RNF17: variants seen among roughly 807,000 people sequenced by gnomAD.
The protein encoded by RNF17 is spermatogenesis associated 23.
In RNF17, 31 loss-of-function variants were observed where a neutral mutation model predicts 200.5. That is an observed-to-expected ratio of 0.15 (90% CI 0.12 to 0.21). The LOEUF is 0.21. Ranked by LOEUF, RNF17 falls within the 10% of genes least tolerant of loss-of-function variation. The pLI, the probability that RNF17 is intolerant of heterozygous loss-of-function variation, is 1.00. For synonymous variants in RNF17, 606 were observed against 637.8 expected (o/e 0.95, Z 0.75); for missense variants, 1,628 against 1,905.1 (o/e 0.85, Z 2.71).
At chr13:24,844,219 G>A (rs1036670576) in intron 20 of RNF17, among the ~76,000 whole-genome samples, 1 of 152,120 alleles carries the variant, frequency 6.6e-6, no homozygotes, top group African/African-American at 2.4e-5. Context: ...AAGTGTTAGG[G>A]ATACCCTGGT....
At chr13:24,879,931 G>GT (rs1038983237), downstream of RNF17, 28 of 152,172 alleles carry the variant, frequency 1.8e-4, no homozygotes, top group African/African-American at 6.7e-4. Flanking sequence ...ACATTTGCTT[G>GT]TTTCATTTTA....
At chr13:24,768,991 CTTTTTTTTT>C (rs34548311) in intron 2 of RNF17, among the ~76,000 whole-genome samples, 10 of 105,746 alleles carry the variant, frequency 9.5e-5, no homozygotes, top group African/African-American at 3.4e-4. Context: ...AACCTCTTCC[CTTTTTTTTT>C]TTTTTTTTTG....
At chr13:24,769,332 A>C (rs778616105) in intron 2 of RNF17, among the ~76,000 whole-genome samples, 6 of 152,106 alleles carry the variant, frequency 3.9e-5, no homozygotes, top group Non-Finnish European at 8.8e-5. Context: ...GGTTGTGATA[A>C]ATCTATTTTG....
At chr13:24,749,936 G>A in the RNF17 span, among the ~76,000 whole-genome samples, 1 of 152,088 alleles carries the variant, frequency 6.6e-6, no homozygotes, top group Non-Finnish European at 1.5e-5. Context: ...ATTTTTAGTA[G>A]AGACGGAGTT....
intron 18 of RNF17, among the ~76,000 whole-genome samples, chr13:24,841,008 C>T (rs553414412): frequency 3.3e-4 from 50 of 152,208 alleles, no homozygotes; most frequent in Admixed American, 1.4e-3. Context: ...TAGCAGCTAC[C>T]GGCTGGAAAG....
chr13:24,884,935 T>C, the RNF17 span, among the ~76,000 whole-genome samples: 1 of 152,218 alleles, frequency 6.6e-6, no homozygotes, highest in Non-Finnish European at 1.5e-5. Context: ...CCCCAGGCAG[T>C]TTTCCCACTA....
rs2137949575 is a variant in RNF17, at chr13:24,823,772, C to G, written c.2092-1847C>G. On this transcript the variant is annotated intron_variant, in intron 15 of 35. Transcript: ENST00000255324. The stretch of plus-strand genomic sequence containing the variant: ...TGTCCTAATTTCGTAAAGATTCTCA[C>G]CCCAGATTCTCCTCCTGGCCTTAGA... Among the ~76,000 whole-genome samples, 2 of 152,278 alleles carry G rather than the reference C, an allele frequency of 1.3e-5. 1 individual carries two copies. The highest frequency in any genetic ancestry group is 4.8e-5 in the African/African-American group (2 of 41,554).
At position 24,826,000 on chromosome 13, in the gene RNF17, A is replaced by G. The variant is rs1225799687; in HGVS notation, c.2245+228A>G. The G allele has an allele frequency of 1.0e-5, 10 of 984,934 alleles. No individual in the cohort carries two copies. In the South Asian group the frequency reaches 1.4e-4, roughly 14 times the overall value. The allele number at this position is 984,934 out of a possible 1,614,324, so 61.0% of individuals were successfully genotyped here. On this transcript the variant is annotated intron_variant, in intron 16 of 35. Coordinates refer to ENST00000255324, the MANE Select transcript of RNF17 (RefSeq NM_031277.3). Reference sequence around the variant, plus strand: ...TTGGGAATCTTGCTGGAAAAGTTGTATAGATAGAACAAAGCAACAGAAATT... The same window carrying G: ...TTGGGAATCTTGCTGGAAAAGTTGTGTAGATAGAACAAAGCAACAGAAATT...
At chr13:24,836,086 A>G (rs1408724495) in intron 18 of RNF17, among the ~76,000 whole-genome samples, 2 of 152,226 alleles carry the variant, frequency 1.3e-5, no homozygotes, top group African/African-American at 2.4e-5. Context: ...CTTCGAATTA[A>G]CCTAATCCAA....
intron 6 of RNF17, among the ~76,000 whole-genome samples, chr13:24,783,207 T>A (rs1882666965): frequency 6.6e-6 from 1 of 152,234 alleles, no homozygotes; most frequent in Non-Finnish European, 1.5e-5. Flanking sequence ...TCACCATATA[T>A]GTGAAGGATT....
rs548185330 is a variant in RNF17, at chr13:24,812,876, G to A, written c.2091+8447G>A. Among the ~76,000 whole-genome samples the A allele has an allele frequency of 2.2e-3, 335 of 152,020 alleles. 3 individuals are homozygous for A. Among genetic ancestry groups the A allele is most frequent in the Middle Eastern group, 0.01 (3 of 294 alleles). ...TTTTGTATTTTTTAGCAGGGACAGG[G>A]TTTCACTGTGTTAGCCAGGATGGTC... On this transcript the variant is annotated intron_variant, in intron 15 of 35. Transcript: ENST00000255324.
chr13:24,828,068 C>T (rs557041564), intron 16 of RNF17, among the ~76,000 whole-genome samples: 5 of 152,192 alleles, frequency 3.3e-5, no homozygotes, highest in African/African-American at 7.2e-5. Flanking sequence ...TGTATAGTTT[C>T]GTAAATATCT....
chr13:24,760,069 A>G (rs1184985780), upstream of RNF17, among the ~76,000 whole-genome samples: 1 of 152,074 alleles, frequency 6.6e-6, no homozygotes, highest in Non-Finnish European at 1.5e-5. Flanking sequence ...TGAACCCGGG[A>G]GGCAGAGGTT....
intron 28 of RNF17, 97 bp downstream of exon 28, chr13:24,862,890 A>T (rs898778579): frequency 3.1e-6 from 2 of 644,284 alleles, no homozygotes; most frequent in East Asian, 6.1e-5. Flanking sequence ...GCAATGGTAT[A>T]TACCTTCTTA....
chr13:24,812,497 C>A (rs1419024152), intron 15 of RNF17, among the ~76,000 whole-genome samples: 1 of 151,654 alleles, frequency 6.6e-6, no homozygotes, highest in South Asian at 2.1e-4. Context: ...CGCCCTGCTT[C>A]GGCTCACGCA....
At chr13:24,865,072 C>G in intron 29 of RNF17, 74 bp downstream of exon 29, 1 of 1,114,670 alleles carries the variant, frequency 9.0e-7, no homozygotes, top group South Asian at 1.4e-5. Flanking sequence ...TTGTCTTACA[C>G]TGTGTCTTAA....
chr13:24,887,119 A>T, the RNF17 span, among the ~76,000 whole-genome samples: 1 of 152,174 alleles, frequency 6.6e-6, no homozygotes, highest in South Asian at 2.1e-4. Flanking sequence ...TGACCCCAAG[A>T]TAGGGAAAGA....
intron 15 of RNF17, among the ~76,000 whole-genome samples, chr13:24,815,851 C>T (rs891052154): frequency 1.3e-5 from 2 of 152,088 alleles, no homozygotes; most frequent in Non-Finnish European, 2.9e-5. Context: ...CTCCTTCATC[C>T]TGTCAATGTG....
the RNF17 span, among the ~76,000 whole-genome samples, chr13:24,886,891 T>A: frequency 6.6e-6 from 1 of 152,216 alleles, no homozygotes; most frequent in Non-Finnish European, 1.5e-5. Context: ...AGGCTGATTA[T>A]GAACTAACAT....
Sources: allele counts gnomAD v4.1 joint callset (sites outside exome capture counted in the v4.1 genomes callset), GRCh38; gene constraint gnomAD v4.1.1; transcripts MANE v1.5; gene names NCBI Gene and HGNC (gene_info 2026-07-23, HGNC 2026-07-21).